Variants in BLTP3B observed in about 807,000 individuals in gnomAD.
BLTP3B encodes the protein bridge-like lipid transfer protein family member 3B.
the BLTP3B span, among the ~76,000 whole-genome samples, chr12:100,073,265 G>A: frequency 2.0e-5 from 3 of 151,492 alleles, no homozygotes; most frequent in African/African-American, 7.3e-5. Context: ...TTCTGCTTGA[G>A]ATAATAAAAA....
At chr12:100,140,509 C>A in the BLTP3B span, among the ~76,000 whole-genome samples, 3 of 151,320 alleles carry the variant, frequency 2.0e-5, no homozygotes, top group East Asian at 5.9e-4. Flanking sequence ...AGTTTGAGAC[C>A]AGCCTAACCA....
the BLTP3B span, among the ~76,000 whole-genome samples, chr12:100,089,632 AAT>A: frequency 5.9e-5 from 9 of 152,330 alleles, no homozygotes; most frequent in Admixed American, 5.2e-4. Flanking sequence ...ATATGAACCC[AAT>A]ATATCTCAGT....
At chr12:100,103,679 A>C in the BLTP3B span, among the ~76,000 whole-genome samples, 1 of 152,190 alleles carries the variant, frequency 6.6e-6, no homozygotes, top group Non-Finnish European at 1.5e-5. Context: ...ATAAAATACT[A>C]TACCAATTTA....
At chr12:100,142,587 C>T in the BLTP3B span, 1 of 1,608,346 alleles carries the variant, frequency 6.2e-7, no homozygotes, top group Non-Finnish European at 8.5e-7. Context: ...GAGGCGCTCA[C>T]TGACCTGGAG....
At chr12:100,048,465 T>G in the BLTP3B span, among the ~76,000 whole-genome samples, 1 of 152,092 alleles carries the variant, frequency 6.6e-6, no homozygotes, top group Non-Finnish European at 1.5e-5. Flanking sequence ...GATACATGCC[T>G]CAGATACTTA....
the BLTP3B span, chr12:100,047,707 C>T: frequency 8.4e-7 from 1 of 1,189,606 alleles, no homozygotes; most frequent in Admixed American, 1.8e-5. Flanking sequence ...TTAAAGATAA[C>T]ACATGTATCT....
the BLTP3B span, chr12:100,059,297 A>C: frequency 6.2e-7 from 1 of 1,613,930 alleles, no homozygotes; most frequent in Non-Finnish European, 8.5e-7. Flanking sequence ...GTTCATGAGC[A>C]TGTCTCTGGA....
chr12:100,047,846 T>G, the BLTP3B span: 2 of 1,211,722 alleles, frequency 1.7e-6, no homozygotes, highest in Non-Finnish European at 2.2e-6. Context: ...TAAATGCTGA[T>G]AGAATATATT....
chr12:100,104,483 C>A, the BLTP3B span, among the ~76,000 whole-genome samples: 1 of 151,572 alleles, frequency 6.6e-6, no homozygotes, highest in South Asian at 2.1e-4. Flanking sequence ...GGATTACAGG[C>A]ACGCACCACC....
chr12:100,139,057 A>G, the BLTP3B span, among the ~76,000 whole-genome samples: 1 of 152,156 alleles, frequency 6.6e-6, no homozygotes, highest in Admixed American at 6.6e-5. Context: ...TTCTCCTTCA[A>G]AAGCTTTTCC....
chr12:100,059,107 G>T, the BLTP3B span: 3 of 1,614,140 alleles, frequency 1.9e-6, no homozygotes, highest in Non-Finnish European at 2.5e-6. Flanking sequence ...CAAATGGAAA[G>T]AGGGAATGAG....
chr12:100,041,113 TG>T, the BLTP3B span, among the ~76,000 whole-genome samples: 68 of 152,294 alleles, frequency 4.5e-4, 1 homozygote, highest in African/African-American at 1.4e-3. Flanking sequence ...CTATAAAGCA[TG>T]GTCAACTGGG....
At chr12:100,050,694 C>T in the BLTP3B span, among the ~76,000 whole-genome samples, 2 of 152,118 alleles carry the variant, frequency 1.3e-5, no homozygotes, top group African/African-American at 2.4e-5. Flanking sequence ...CACCTATAGT[C>T]CCAGCTACTA....
chr12:100,098,892 G>A, the BLTP3B span, among the ~76,000 whole-genome samples: 11,115 of 150,140 alleles, frequency 0.074, 442 homozygotes, highest in South Asian at 0.091. Context: ...CTGGGTGACA[G>A]AGCAAGACTC....
At chr12:100,139,456 C>A in the BLTP3B span, among the ~76,000 whole-genome samples, 1 of 152,150 alleles carries the variant, frequency 6.6e-6, no homozygotes, top group Non-Finnish European at 1.5e-5. Flanking sequence ...CTCCTCCCCC[C>A]ATACAATAAC....
the BLTP3B span, among the ~76,000 whole-genome samples, chr12:100,130,982 G>GGGGAGAGAGAGAGAGAGA: frequency 3.2e-5 from 2 of 62,238 alleles, no homozygotes; most frequent in Non-Finnish European, 5.8e-5. Flanking sequence ...AGAGAGGGAG[G>GGGGAGAGAGAGAGAGAGA]GAGAGAGAGA....
chr12:100,064,993 G>C, the BLTP3B span, among the ~76,000 whole-genome samples: 1 of 151,706 alleles, frequency 6.6e-6, no homozygotes, highest in East Asian at 1.9e-4. Flanking sequence ...TGGCCTAAAT[G>C]CTCCACTTAG....
chr12:100,121,009 G>C, the BLTP3B span, among the ~76,000 whole-genome samples: 1 of 152,144 alleles, frequency 6.6e-6, no homozygotes, highest in Non-Finnish European at 1.5e-5. Context: ...ATAATGCTGA[G>C]TGAAAGAAGC....
At chr12:100,072,770 A>G in the BLTP3B span, 1 of 1,605,164 alleles carries the variant, frequency 6.2e-7, no homozygotes, top group East Asian at 2.2e-5. Context: ...ATTGCAGCAA[A>G]TCATGCTTTT....
Sources: gnomAD v4.1 joint callset for allele counts (sites outside exome capture counted in the v4.1 genomes callset) on GRCh38, gnomAD v4.1.1 for gene constraint, MANE v1.5 for transcripts, NCBI Gene and HGNC (gene_info 2026-07-23, HGNC 2026-07-21) for gene names.